The following TMEM101 variants were observed in gnomAD, a reference collection of about 807,000 sequenced individuals.
TMEM101 encodes transmembrane protein 101, also known as putative NF-kappa-B-activating protein 130.
Under a neutral mutation model 26.0 loss-of-function variants are expected in TMEM101, and 14 were observed. That is an observed-to-expected ratio of 0.54 (90% CI 0.36 to 0.84). The LOEUF (loss-of-function observed/expected upper bound fraction) is 0.84, where lower values mean the gene tolerates loss of function less well. Among genes scored for constraint, TMEM101 ranks in the 40% least tolerant of loss-of-function variants. The probability of loss-of-function intolerance (pLI) is 0.01; values close to 1 mark genes in which losing one functional copy is unlikely to be tolerated. For synonymous variants in TMEM101, 152 were observed against 145.1 expected (o/e 1.05, Z -0.34); for missense variants, 292 against 345.1 (o/e 0.85, Z 1.22).
chr17:44,022,581 GA>G (rs1270311721), intron 1 of TMEM101, among the ~76,000 whole-genome samples: 1 of 152,186 alleles, frequency 6.6e-6, no homozygotes, highest in African/African-American at 2.4e-5. Flanking sequence ...TCCACGCAGG[GA>G]AATTCCCTCA....
intron 2 of TMEM101, among the ~76,000 whole-genome samples, chr17:44,020,407 G>A (rs781062282): frequency 1.1e-4 from 16 of 152,320 alleles, no homozygotes; most frequent in East Asian, 3.9e-4. Context: ...TTGGTTAAAA[G>A]AAGTCCAGGT....
upstream of TMEM101, among the ~76,000 whole-genome samples, chr17:44,017,152 C>CAA (rs11406745): frequency 0.42 from 57,312 of 134,948 alleles, 13,187 homozygotes; most frequent in Middle Eastern, 0.58. Flanking sequence ...GACTCTGTCT[C>CAA]AAAAAAAAAA....
At chr17:44,012,493 C>T (rs1238903349) in intron 3 of TMEM101, 26 of 526,414 alleles carry the variant, frequency 4.9e-5, no homozygotes, top group Non-Finnish European at 3.4e-6. Context: ...GAGCTCCCAC[C>T]TCTGAATATG....
chr17:44,013,882 C>T (rs2049193281), intron 2 of TMEM101, among the ~76,000 whole-genome samples: 1 of 152,192 alleles, frequency 6.6e-6, no homozygotes, highest in East Asian at 1.9e-4. Flanking sequence ...GTCTCTTCCT[C>T]AAGGACAGTG....
Position 44,014,843 on chromosome 17 carries a change from A to G in TMEM101, c.110T>C (p.Leu37Pro). Residue 37 changes from leucine to proline, a missense_variant, in exon 1 of 4, where the codon CTG (leucine) becomes CCG (proline). Transcript: ENST00000206380. ...GCGTGCCTCAGCCCTCTCAGCGTAC[A>G]GCATGAGCTGGCTGAAGCAGCCCCA... Reference protein sequence around the residue: ...PFWGCFSQLMLYAERAEARRK... With the variant: ...PFWGCFSQLMPYAERAEARRK... 3 of 1,610,152 alleles carry G rather than the reference A, an allele frequency of 1.9e-6. No individual in the cohort carries two copies. Among genetic ancestry groups the G allele is most frequent in the Non-Finnish European group, 1.7e-6 (2 of 1,177,822 alleles).
At chr17:44,023,117 G>A (rs892274541), upstream of TMEM101, 5 of 295,562 alleles carry the variant, frequency 1.7e-5, no homozygotes, top group Admixed American at 4.6e-5. Flanking sequence ...GTGCACAGAC[G>A]AGGAGAGGTC....
chr17:44,017,174 A>C (rs1350118873), upstream of TMEM101, among the ~76,000 whole-genome samples: 2 of 143,198 alleles, frequency 1.4e-5, no homozygotes. Context: ...AAAAATTCCC[A>C]CCAGGCCGGG....
upstream of TMEM101, chr17:44,014,993 A>G (rs754351784): frequency 1.3e-6 from 2 of 1,561,196 alleles, no homozygotes; most frequent in Non-Finnish European, 8.7e-7. Context: ...CCCCAGTCAG[A>G]GAAGCAGGCG....
At chr17:44,020,184 GGAGA>G (rs1203282373) in intron 2 of TMEM101, among the ~76,000 whole-genome samples, 4 of 152,104 alleles carry the variant, frequency 2.6e-5, no homozygotes, top group Admixed American at 2.6e-4. Flanking sequence ...AGATTACTGG[GGAGA>G]GAAATATTAT....
intron 1 of TMEM101, among the ~76,000 whole-genome samples, chr17:44,022,213 CG>C (rs1414835911): frequency 5.3e-5 from 8 of 152,166 alleles, no homozygotes; most frequent in African/African-American, 1.7e-4. Context: ...TTTGGTAAAA[CG>C]GATTATTTCC....
intron 3 of TMEM101, chr17:44,012,501 A>C: frequency 1.9e-6 from 1 of 516,474 alleles, no homozygotes; most frequent in Non-Finnish European, 3.4e-6. Context: ...ACCTCTGAAT[A>C]TGGGAGCCCA....
upstream of TMEM101, among the ~76,000 whole-genome samples, chr17:44,019,852 AAGG>A (rs1434007451): frequency 6.6e-6 from 1 of 152,222 alleles, no homozygotes. Context: ...ATGGCTTTGC[AAGG>A]AGATTCATAT....
upstream of TMEM101, among the ~76,000 whole-genome samples, chr17:44,017,585 C>T (rs1437212923): frequency 9.0e-6 from 1 of 110,628 alleles, no homozygotes; most frequent in Non-Finnish European, 1.8e-5. Flanking sequence ...CAAGGTGAGA[C>T]AACATCTCAA....
At chr17:44,017,979 G>T (rs2049250755), upstream of TMEM101, among the ~76,000 whole-genome samples, 1 of 152,086 alleles carries the variant, frequency 6.6e-6, no homozygotes, top group South Asian at 2.1e-4. Flanking sequence ...CTAAAAATTA[G>T]CTGGGCATGG....
chr17:44,013,247 C>G, intron 2 of TMEM101, 92 bp from the exon 3 acceptor site: 1 of 1,231,312 alleles, frequency 8.1e-7, no homozygotes, highest in Non-Finnish European at 1.1e-6. Context: ...CTCTACACAT[C>G]CCATTCCATC....
At chr17:44,014,563 C>A (rs1013284745) in intron 1 of TMEM101, 26 bp from the exon 2 acceptor site, 24 of 1,568,044 alleles carry the variant, frequency 1.5e-5, no homozygotes, top group Non-Finnish European at 2.0e-5. Flanking sequence ...GGGGAAGCAA[C>A]GAGGACAGAA....
At chr17:44,014,232 G>C in intron 2 of TMEM101, 125 bp downstream of exon 2, 2 of 1,188,216 alleles carry the variant, frequency 1.7e-6, no homozygotes, top group South Asian at 3.2e-5. Context: ...CAAGGGGTTC[G>C]AACCTCCCAG....
At chr17:44,017,782 C>T (rs1284112336), upstream of TMEM101, among the ~76,000 whole-genome samples, 2 of 149,062 alleles carry the variant, frequency 1.3e-5, no homozygotes, top group African/African-American at 4.9e-5. Flanking sequence ...AAAAAAAATT[C>T]CCAACCAGCC....
rs1252692910 is a variant in TMEM101 at position 44,011,616 on chromosome 17, CAGT to C, written c.*309_*311del. On this transcript the variant is annotated 3_prime_UTR_variant, in exon 4 of 4. Coordinates refer to ENST00000206380, the MANE Select transcript of TMEM101 (RefSeq NM_032376.4). ...CCTCTGTCTCCCACTCTCCCACTCT[CAGT>C]AGCCGCATCCCAGCCCTGCCATACT... 2.5e-6 allele frequency: 1 copy of C among 392,200 alleles called. No individual in the cohort carries two copies. The highest frequency in any genetic ancestry group is 2.0e-5 in the African/African-American group (1 of 48,790). 24.3% of individuals were successfully genotyped at this position (392,200 alleles called of 1,614,324 possible).
Sources: gnomAD v4.1 joint callset for allele counts (sites outside exome capture counted in the v4.1 genomes callset) on GRCh38, gnomAD v4.1.1 for gene constraint, MANE v1.5 for transcripts, NCBI Gene and HGNC (gene_info 2026-07-23, HGNC 2026-07-21) for gene names.